RARS1: variants seen among roughly 807,000 people sequenced by gnomAD.
RARS1 encodes arginyl-tRNA synthetase 1.
A neutral mutation model predicts 78.7 loss-of-function variants in RARS1; 75 were observed. The observed-to-expected ratio is 0.95, with a 90% CI of 0.79 to 1.15. The LOEUF is 1.15. RARS1 is among the 50% of genes most tolerant of loss of function. RARS1 has a pLI of 0.00. For missense variants in RARS1, 787 were observed against 787.5 expected, an observed-to-expected ratio of 1.00 and a Z score of 0.01; for synonymous variants, 273 against 268.2, an observed-to-expected ratio of 1.02 and a Z score of -0.18.
At chr5:168,494,837 A>T in intron 5 of RARS1, 187 bp downstream of exon 5, 1 of 492,694 alleles carries the variant, frequency 2.0e-6, no homozygotes. Flanking sequence ...CAACCTGGGC[A>T]GTATCATGAG....
intron 12 of RARS1, among the ~76,000 whole-genome samples, chr5:168,512,725 C>T (rs908993145): frequency 1.3e-5 from 2 of 152,154 alleles, no homozygotes; most frequent in Non-Finnish European, 2.9e-5. Context: ...CTTCTCTTCA[C>T]GTTTTTCTCC....
In RARS1 at chr5:168,486,523, T is replaced by C; in HGVS notation, c.25T>C (p.Ser9Pro). 1 of 1,558,928 alleles carries C rather than the reference T, an allele frequency of 6.4e-7. No homozygotes were observed. The highest frequency in any genetic ancestry group is 8.7e-7 in the Non-Finnish European group (1 of 1,150,556). MDVLVSEC[S>P]ARLLQQEEEI... ...GATGGACGTACTGGTGTCTGAGTGC[T>C]CCGCGCGGCTGCTGCAGCAGGTTTG... The change falls in exon 1 of 15, where the codon TCC (serine) becomes CCC (proline). Residue 9 changes from serine to proline, a missense_variant. Physicochemically the swap from Ser to Pro is moderately conservative, Grantham distance 74. Coordinates refer to ENST00000231572, the MANE Select transcript of RARS1 (RefSeq NM_002887.4).
chr5:168,492,883 T>C (rs1181740873), intron 3 of RARS1, 36 bp downstream of exon 3: 7 of 1,473,090 alleles, frequency 4.8e-6, no homozygotes, highest in Non-Finnish European at 5.6e-6. Context: ...TGTTTGATTT[T>C]TTTAAGTATT....
intron 1 of RARS1, among the ~76,000 whole-genome samples, chr5:168,487,229 TGG>T (rs57885645): frequency 6.6e-6 from 1 of 151,390 alleles, no homozygotes; most frequent in African/African-American, 2.4e-5. Flanking sequence ...CCGGCTGTGT[TGG>T]GGGGGGTCCC....
At chr5:168,502,396 T>TA (rs70976490) in intron 9 of RARS1, among the ~76,000 whole-genome samples, 91 of 143,710 alleles carry the variant, frequency 6.3e-4, no homozygotes, top group African/African-American at 2.2e-3. Context: ...TTTTTTTTTT[T>TA]AAAACAATCT....
At chr5:168,502,931 C>G (rs553730166) in intron 9 of RARS1, among the ~76,000 whole-genome samples, 1 of 152,180 alleles carries the variant, frequency 6.6e-6, no homozygotes, top group East Asian at 1.9e-4. Flanking sequence ...GAGGTTTCTC[C>G]CTCTTTTTAA....
Position 168,492,879 on chromosome 5 carries a change from A to AT in RARS1, c.369+39dup, listed in dbSNP as rs763212692. The AT allele has an allele frequency of 2.5e-5, 37 of 1,490,756 alleles. No individual in the cohort carries two copies. The African/African-American group carries it at 4.6e-4, about 18-fold the overall frequency. 92.3% of individuals were successfully genotyped at this position (1,490,756 alleles called of 1,614,324 possible). On this transcript the variant is annotated intron_variant, in intron 3 of 14. Coordinates refer to ENST00000231572, the MANE Select transcript of RARS1 (RefSeq NM_002887.4). ...TATTGTCATGACTCTTGGCTGTTTG[A>AT]TTTTTTTAAGTATTATTATCATCAT... is the stretch of plus-strand genomic sequence containing the variant.
Position 168,516,855 on chromosome 5 carries a change from TA to T in RARS1, c.1532del (p.Asn511ThrfsTer3). ...GCATCAAATATGCTGACCTTTCCCA[TA>T]ACCGGTTGAATGACTACATCTTCTC... is the stretch of plus-strand genomic sequence containing the variant. ...GCIKYADLSHNRLNDYIFSFD... is the reference protein window; with the variant it reads ...GCIKYADLSHXRLNDYIFSFD... On this transcript the variant is annotated frameshift_variant, in exon 13 of 15. Transcript: ENST00000231572. LOFTEE classifies it high-confidence loss of function. 6.2e-7 allele frequency: 1 copy of T among 1,614,094 alleles called. No individual in the cohort carries two copies. Among genetic ancestry groups the T allele is most frequent in the South Asian group, 1.1e-5 (1 of 91,080 alleles).
At chr5:168,493,783 G>T in intron 3 of RARS1, 111 bp from the exon 4 acceptor site, 1 of 767,428 alleles carries the variant, frequency 1.3e-6, no homozygotes, top group South Asian at 1.8e-5. Context: ...CTCTGCTTCT[G>T]CCTTTTGATG....
At chr5:168,488,136 CTT>C in intron 1 of RARS1, 1 of 365,088 alleles carries the variant, frequency 2.7e-6, no homozygotes, top group Admixed American at 3.6e-5. Context: ...TTTTCTTTTT[CTT>C]TTTTTTTGAA....
rs558106173 is a variant in RARS1, at chr5:168,486,480, G to C, written c.-19G>C. On this transcript the variant is annotated 5_prime_UTR_variant, in exon 1 of 15. Transcript: ENST00000231572. ...GTTTCCGCTTCCGTCCACTTGGCGA[G>C]TGAGACGCTGATGGGAGGATGGACG... 30 of 1,555,760 alleles carry C rather than the reference G, an allele frequency of 1.9e-5. No homozygotes were observed. In the East Asian group the frequency reaches 2.2e-4, roughly 11 times the overall value.
At chr5:168,488,351 C>G in intron 1 of RARS1, 2 of 408,312 alleles carry the variant, frequency 4.9e-6, no homozygotes, top group South Asian at 5.2e-5. Context: ...TGGTCTTGAA[C>G]TCTTGGCCTC....
chr5:168,495,002 ATTTT>A, intron 5 of RARS1: 2 of 258,744 alleles, frequency 7.7e-6, no homozygotes, highest in Non-Finnish European at 1.4e-5. Flanking sequence ...ATGTTGTGTG[ATTTT>A]TTTTTTTTTT....
chr5:168,498,953 A>G (rs1339544344), intron 7 of RARS1, among the ~76,000 whole-genome samples: 2 of 152,048 alleles, frequency 1.3e-5, no homozygotes, highest in African/African-American at 2.4e-5. Context: ...CAGCCTGGGC[A>G]ACAGAGTGAG....
At chr5:168,490,065 C>T (rs1390618761) in intron 2 of RARS1, among the ~76,000 whole-genome samples, 1 of 152,196 alleles carries the variant, frequency 6.6e-6, no homozygotes, top group Non-Finnish European at 1.5e-5. Flanking sequence ...CTGCCTGTCT[C>T]GCCTTCCCAA....
intron 11 of RARS1, among the ~76,000 whole-genome samples, chr5:168,508,584 C>T (rs1368518295): frequency 2.2e-5 from 3 of 133,774 alleles, no homozygotes; most frequent in African/African-American, 2.9e-5. Context: ...TGTGCTACTG[C>T]ACTCCAGCGT....
intron 13 of RARS1, among the ~76,000 whole-genome samples, 189 bp downstream of exon 13, chr5:168,517,139 TTTTG>T (rs775258002): frequency 5.9e-5 from 9 of 152,108 alleles, no homozygotes; most frequent in Non-Finnish European, 1.3e-4. Context: ...AAGTGTTTTT[TTTTG>T]TTTGTTTGTT....
chr5:168,505,868 G>C (rs1417662233), intron 9 of RARS1, among the ~76,000 whole-genome samples, 153 bp from the exon 10 acceptor site: 6 of 152,138 alleles, frequency 3.9e-5, no homozygotes, highest in Non-Finnish European at 5.9e-5. Flanking sequence ...AGATCATGGT[G>C]AGGAAAAAAT....
chr5:168,510,469 T>G, intron 11 of RARS1, 112 bp from the exon 12 acceptor site: 1 of 770,616 alleles, frequency 1.3e-6, no homozygotes. Context: ...ACCTTAGAGA[T>G]TTAAAACATA....
Sources: allele counts gnomAD v4.1 joint callset (sites outside exome capture counted in the v4.1 genomes callset), GRCh38; gene constraint gnomAD v4.1.1; transcripts MANE v1.5; gene names NCBI Gene and HGNC (gene_info 2026-07-23, HGNC 2026-07-21).